The following WWOX variants were observed in gnomAD, a reference collection of about 807,000 sequenced individuals.
WWOX encodes the protein WW domain containing oxidoreductase, also known as WW domain-containing oxidoreductase.
WWOX carries 69 observed loss-of-function variants against 46.2 expected under a neutral mutation model. That is an observed-to-expected ratio of 1.49 (90% CI 1.23 to 1.82). The LOEUF (loss-of-function observed/expected upper bound fraction) is 1.82, where lower values mean the gene tolerates loss of function less well. WWOX is among the 40% of genes most tolerant of loss of function. The pLI, the probability that WWOX is intolerant of heterozygous loss-of-function variation, is 0.00. For missense variants in WWOX, 919 were observed against 542.6 expected (o/e 1.69, Z -6.89); for synonymous variants, 359 against 202.6 (o/e 1.77, Z -6.56).
chr16:78,382,372 TAC>T (rs2081972832), intron 5 of WWOX, among the ~76,000 whole-genome samples: 1 of 152,204 alleles, frequency 6.6e-6, no homozygotes, highest in Admixed American at 6.5e-5. Context: ...CTGGCAGTGT[TAC>T]AGACAACAGA....
intron 5 of WWOX, among the ~76,000 whole-genome samples, chr16:78,332,610 G>A (rs1032625013): frequency 6.6e-6 from 1 of 152,158 alleles, no homozygotes; most frequent in Non-Finnish European, 1.5e-5. Context: ...CAGGTAAACT[G>A]ATTTTTTGGG....
intron 8 of WWOX, among the ~76,000 whole-genome samples, chr16:78,586,163 C>A (rs934089114): frequency 6.6e-6 from 1 of 152,004 alleles, no homozygotes; most frequent in Non-Finnish European, 1.5e-5. Context: ...TCAAGACTAG[C>A]CTGGGCAACA....
intron 8 of WWOX, among the ~76,000 whole-genome samples, chr16:78,745,930 C>T (rs754971782): frequency 7.2e-5 from 11 of 151,998 alleles, no homozygotes; most frequent in African/African-American, 2.7e-4. Flanking sequence ...AAAACACTCC[C>T]GCTGCTCCTT....
chr16:78,365,869 T>A (rs779464224), intron 5 of WWOX, among the ~76,000 whole-genome samples: 2 of 152,218 alleles, frequency 1.3e-5, no homozygotes, highest in African/African-American at 4.8e-5. Context: ...TAGTTCTCCT[T>A]TCCTTACAGA....
chr16:78,390,862 G>A (rs923250363), intron 6 of WWOX, among the ~76,000 whole-genome samples: 1 of 152,158 alleles, frequency 6.6e-6, no homozygotes, highest in Non-Finnish European at 1.5e-5. Flanking sequence ...GCATTGAGGA[G>A]AGGAAAAAAT....
chr16:78,247,091 C>T (rs2037837104), intron 5 of WWOX, among the ~76,000 whole-genome samples: 1 of 152,056 alleles, frequency 6.6e-6, no homozygotes, highest in Non-Finnish European at 1.5e-5. Flanking sequence ...GTTTGCTGCT[C>T]AGAAATCAAC....
At chr16:79,014,088 C>A (rs1451929476) in intron 8 of WWOX, among the ~76,000 whole-genome samples, 1 of 152,208 alleles carries the variant, frequency 6.6e-6, no homozygotes, top group Non-Finnish European at 1.5e-5. Context: ...GTCTGCATTT[C>A]GTCGCTTTAG....
chr16:78,694,601 A>G lies in WWOX; in HGVS notation c.1056+261849A>G, dbSNP rs574676436. 6.6e-5 allele frequency among the ~76,000 whole-genome samples: 10 copies of G among 152,214 alleles called. No homozygotes were observed. In the South Asian group the frequency reaches 1.5e-3, roughly 22 times the overall value. ...ACTAGAAACACAGTAAATCCAGCCC[A>G]TTTATTCACATTAACCAGCAAAGGC... is the stretch of plus-strand genomic sequence containing the variant. On this transcript the variant is annotated intron_variant, in intron 8 of 8. Coordinates refer to ENST00000566780, the MANE Select transcript of WWOX (RefSeq NM_016373.4).
intron 8 of WWOX, among the ~76,000 whole-genome samples, chr16:79,021,434 G>T (rs185170438): frequency 1.3e-5 from 2 of 152,040 alleles, no homozygotes; most frequent in Non-Finnish European, 1.5e-5. Context: ...TAAAACGCAC[G>T]GGATCACAGA....
intron 4 of WWOX, among the ~76,000 whole-genome samples, chr16:78,151,819 A>C (rs1296593151): frequency 6.6e-6 from 1 of 152,226 alleles, no homozygotes; most frequent in Non-Finnish European, 1.5e-5. Context: ...CTCCTGCAGT[A>C]ATCAATGTTG....
intron 8 of WWOX, among the ~76,000 whole-genome samples, chr16:78,915,798 G>T (rs2045236664): frequency 1.3e-5 from 2 of 152,100 alleles, no homozygotes; most frequent in South Asian, 4.1e-4. Context: ...GTTCACATGT[G>T]TTTATAACTC....
chr16:79,056,306 GAAA>G (rs1387713778), intron 8 of WWOX, among the ~76,000 whole-genome samples: 4 of 151,954 alleles, frequency 2.6e-5, no homozygotes, highest in African/African-American at 2.4e-5. Flanking sequence ...AACCCCTGAA[GAAA>G]AGTGAATTCT....
intron 8 of WWOX, chr16:78,780,554 G>C (rs1411437317): frequency 6.6e-6 from 1 of 152,178 alleles, no homozygotes; most frequent in African/African-American, 2.4e-5. Flanking sequence ...CTGTGATGAG[G>C]GAGTTAAAGA....
intron 5 of WWOX, among the ~76,000 whole-genome samples, chr16:78,175,714 T>A (rs542936438): frequency 2.0e-5 from 3 of 152,328 alleles, no homozygotes; most frequent in South Asian, 4.1e-4. Context: ...ACCCAGCAGC[T>A]AAGCCACTTC....
Position 79,193,754 on chromosome 16 carries a change from C to G in WWOX, c.1057-17854C>G, listed in dbSNP as rs972610390. On this transcript the variant is annotated intron_variant, in intron 8 of 8. Coordinates refer to ENST00000566780, the MANE Select transcript of WWOX (RefSeq NM_016373.4). ...CTTGGGCAAAAACAATTTAGGATACCTGAAGATTGCAAAGCCCAGCTCCTC... is the reference window on the plus strand; with the variant it reads ...CTTGGGCAAAAACAATTTAGGATACGTGAAGATTGCAAAGCCCAGCTCCTC... Among the ~76,000 whole-genome samples the G allele has an allele frequency of 5.3e-5, 8 of 152,162 alleles. No individual in the cohort carries two copies. The East Asian group carries it at 1.5e-3, about 29-fold the overall frequency.
intron 5 of WWOX, among the ~76,000 whole-genome samples, chr16:78,224,164 C>T (rs1485514944): frequency 1.3e-5 from 2 of 152,076 alleles, no homozygotes; most frequent in African/African-American, 4.8e-5. Flanking sequence ...CCACCAAGCC[C>T]AGCTAATTTT....
At chr16:78,633,270 A>G (rs2046483794) in intron 8 of WWOX, among the ~76,000 whole-genome samples, 1 of 152,184 alleles carries the variant, frequency 6.6e-6, no homozygotes, top group Admixed American at 6.5e-5. Context: ...TCAAAACAAA[A>G]CAAAACAAAA....
intron 8 of WWOX, among the ~76,000 whole-genome samples, chr16:79,041,028 C>T (rs1220670416): frequency 6.6e-6 from 1 of 151,810 alleles, no homozygotes; most frequent in Non-Finnish European, 1.5e-5. Context: ...TGCATTTCAC[C>T]GTTCTGAGCT....
At chr16:78,995,101 G>C (rs550084181) in intron 8 of WWOX, among the ~76,000 whole-genome samples, 1 of 151,546 alleles carries the variant, frequency 6.6e-6, no homozygotes, top group South Asian at 2.1e-4. Flanking sequence ...TGTGCCCTTA[G>C]ATAATAACAG....
Sources: gnomAD v4.1 joint callset for allele counts (sites outside exome capture counted in the v4.1 genomes callset) on GRCh38, gnomAD v4.1.1 for gene constraint, MANE v1.5 for transcripts, NCBI Gene and HGNC (gene_info 2026-07-23, HGNC 2026-07-21) for gene names.